ZNRF2: variants seen among roughly 807,000 people sequenced by gnomAD.
ZNRF2 encodes the protein E3 ubiquitin-protein ligase ZNRF2.
In ZNRF2, 16 loss-of-function variants were observed where a neutral mutation model predicts 20.4. The observed-to-expected ratio is 0.79, with a 90% CI of 0.53 to 1.19. ZNRF2 has a LOEUF of 1.19. Among genes scored for constraint, ZNRF2 ranks in the 50% most tolerant of loss-of-function variants. The pLI is 0.00. For synonymous variants in ZNRF2, 178 were observed against 144.9 expected, an observed-to-expected ratio of 1.23 and a Z score of -1.64; for missense variants, 363 against 332.4, an observed-to-expected ratio of 1.09 and a Z score of -0.72.
intron 1 of ZNRF2, among the ~76,000 whole-genome samples, chr7:30,286,844 G>A (rs942881702): frequency 6.6e-6 from 1 of 152,128 alleles, no homozygotes; most frequent in African/African-American, 2.4e-5. Context: ...CAGATGAGCA[G>A]CGAAAACACG....
rs1164716966 is a variant in ZNRF2 at position 30,324,376 on chromosome 7, G to T, written c.565+639G>T. 2.4e-5 allele frequency among the ~76,000 whole-genome samples: 3 copies of T among 122,874 alleles called. No individual in the cohort carries two copies. The South Asian group carries it at 7.6e-4, about 31-fold the overall frequency. 80.6% of individuals were successfully genotyped at this position (122,874 alleles called of 152,430 possible). A position where few individuals can be genotyped will look rare whatever the true frequency, so the allele number is the denominator to read the frequency against. On this transcript the variant is annotated intron_variant, in intron 2 of 4. Transcript: ENST00000323037. Reference sequence around the variant, plus strand: ...TGGTGAAACCCCATCTCTACTAAAAGAAAAAAAAAAAGAAAAAAAAAAATT... The same window carrying T: ...TGGTGAAACCCCATCTCTACTAAAATAAAAAAAAAAAGAAAAAAAAAAATT...
chr7:30,310,663 A>G (rs1799278137), intron 1 of ZNRF2, among the ~76,000 whole-genome samples: 1 of 152,208 alleles, frequency 6.6e-6, no homozygotes, highest in African/African-American at 2.4e-5. Context: ...AGGGCTGTAC[A>G]AAAATTGACA....
At position 30,367,024 on chromosome 7, in the gene ZNRF2, A is replaced by G. The variant is rs1184353746; in HGVS notation, c.*1012A>G. 1 of 152,530 alleles carries G rather than the reference A, an allele frequency of 6.6e-6. No individual in the cohort carries two copies. Among genetic ancestry groups the G allele is most frequent in the East Asian group, 1.9e-4 (1 of 5,204 alleles). 9.4% of individuals were successfully genotyped at this position (152,530 alleles called of 1,614,324 possible). A position where few individuals can be genotyped will look rare whatever the true frequency, so the allele number is the denominator to read the frequency against. On this transcript the variant is annotated 3_prime_UTR_variant, in exon 5 of 5. Coordinates refer to ENST00000323037, the MANE Select transcript of ZNRF2 (RefSeq NM_147128.4). Reference sequence around the variant, plus strand: ...AAGGGTAAAATAAAATTTTCTGGAGAGGAACTTGGAATTTGAGGGAGATTT... The same window carrying G: ...AAGGGTAAAATAAAATTTTCTGGAGGGGAACTTGGAATTTGAGGGAGATTT...
chr7:30,325,863 A>T (rs1002191630), intron 2 of ZNRF2, among the ~76,000 whole-genome samples: 22 of 152,226 alleles, frequency 1.4e-4, no homozygotes, highest in Admixed American at 1.2e-3. Context: ...GTTATTTAAG[A>T]AATAGAAAGT....
At chr7:30,314,173 T>C (rs1363973983) in intron 1 of ZNRF2, among the ~76,000 whole-genome samples, 1 of 152,206 alleles carries the variant, frequency 6.6e-6, no homozygotes, top group Admixed American at 6.5e-5. Flanking sequence ...TTCAAACAAA[T>C]TTAAAAGAGA....
chr7:30,322,465 G>C (rs1455533449), intron 1 of ZNRF2, among the ~76,000 whole-genome samples: 1 of 152,110 alleles, frequency 6.6e-6, no homozygotes, highest in Non-Finnish European at 1.5e-5. Flanking sequence ...GTCTCTCACA[G>C]TGCTTCTGTT....
chr7:30,323,823 A>G, intron 2 of ZNRF2, 86 bp downstream of exon 2: 2 of 911,510 alleles, frequency 2.2e-6, no homozygotes, highest in East Asian at 5.9e-5. Flanking sequence ...ATTTAAAAGG[A>G]GGGAAGGACA....
chr7:30,346,568 A>G (rs1799883229), intron 2 of ZNRF2, among the ~76,000 whole-genome samples: 1 of 152,060 alleles, frequency 6.6e-6, no homozygotes, highest in South Asian at 2.1e-4. Context: ...TAATTTTAAT[A>G]ACCTAGTCTT....
chr7:30,357,011 C>A lies in ZNRF2; in HGVS notation c.671+1178C>A, dbSNP rs919541653. 2.0e-5 allele frequency among the ~76,000 whole-genome samples: 3 copies of A among 152,052 alleles called. No homozygotes were observed. The South Asian group carries it at 6.2e-4, about 31-fold the overall frequency. On this transcript the variant is annotated intron_variant, in intron 3 of 4. Coordinates refer to ENST00000323037, the MANE Select transcript of ZNRF2 (RefSeq NM_147128.4). The stretch of plus-strand genomic sequence containing the variant: ...TATTTTTATGTATCTAATAACATCT[C>A]AAAATATTTATAAAACCCTCAGACG...
At chr7:30,322,419 G>A (rs186250397) in intron 1 of ZNRF2, among the ~76,000 whole-genome samples, 4 of 152,222 alleles carry the variant, frequency 2.6e-5, no homozygotes, top group African/African-American at 9.6e-5. Flanking sequence ...CTAGAGAGCT[G>A]CCAAAACGTC....
At chr7:30,289,951 AAATATCATT>A (rs1418028837) in intron 1 of ZNRF2, 1 of 523,168 alleles carries the variant, frequency 1.9e-6, no homozygotes, top group African/African-American at 2.0e-5. Context: ...TCTGATTACC[AAATATCATT>A]AATGAGATAT....
chr7:30,286,988 T>A (rs1374484830), intron 1 of ZNRF2, among the ~76,000 whole-genome samples: 1 of 152,230 alleles, frequency 6.6e-6, no homozygotes, highest in African/African-American at 2.4e-5. Flanking sequence ...CCAGCATAAA[T>A]TAAAAACAGG....
intron 1 of ZNRF2, among the ~76,000 whole-genome samples, chr7:30,314,795 A>G (rs1799343093): frequency 1.3e-5 from 2 of 150,976 alleles, no homozygotes; most frequent in Non-Finnish European, 2.9e-5. Context: ...GGAAATATAT[A>G]TATATATATG....
intron 2 of ZNRF2, among the ~76,000 whole-genome samples, chr7:30,329,434 A>T (rs183092863): frequency 6.6e-6 from 1 of 152,188 alleles, no homozygotes; most frequent in East Asian, 1.9e-4. Flanking sequence ...CCCTCTTTAT[A>T]TCCCCCTTCC....
At chr7:30,313,613 T>C (rs145562382) in intron 1 of ZNRF2, among the ~76,000 whole-genome samples, 4 of 152,332 alleles carry the variant, frequency 2.6e-5, no homozygotes, top group Non-Finnish European at 4.4e-5. Flanking sequence ...TTAAAGCTCA[T>C]GCTCAGTTCC....
intron 1 of ZNRF2, among the ~76,000 whole-genome samples, chr7:30,302,598 A>T (rs1799136213): frequency 6.6e-6 from 1 of 152,156 alleles, no homozygotes; most frequent in African/African-American, 2.4e-5. Flanking sequence ...CATAAAAAAG[A>T]CAAGGTAATA....
chr7:30,296,028 T>C (rs917622427), intron 1 of ZNRF2, among the ~76,000 whole-genome samples: 3 of 152,252 alleles, frequency 2.0e-5, no homozygotes, highest in Non-Finnish European at 2.9e-5. Context: ...GCACATTTAC[T>C]ATGCCAAACA....
At chr7:30,351,722 C>T (rs1223649645) in intron 2 of ZNRF2, among the ~76,000 whole-genome samples, 1 of 152,004 alleles carries the variant, frequency 6.6e-6, no homozygotes, top group African/African-American at 2.4e-5. Context: ...CTTTGAGCCT[C>T]AGTTTCCTTA....
intron 2 of ZNRF2, among the ~76,000 whole-genome samples, chr7:30,343,558 G>T (rs1375365227): frequency 1.3e-5 from 2 of 151,924 alleles, no homozygotes; most frequent in Non-Finnish European, 2.9e-5. Context: ...TATAACTTGG[G>T]TGCAAATTGC....
Sources: allele counts gnomAD v4.1 joint callset (sites outside exome capture counted in the v4.1 genomes callset), GRCh38; gene constraint gnomAD v4.1.1; transcripts MANE v1.5; gene names NCBI Gene and HGNC (gene_info 2026-07-23, HGNC 2026-07-21).